The following SPAG16 variants were observed in gnomAD, a reference collection of about 807,000 sequenced individuals.
The protein encoded by SPAG16 is sperm associated antigen 16.
In SPAG16, 86 loss-of-function variants were observed where a neutral mutation model predicts 80.4. The ratio of observed to expected loss-of-function variants is 1.07; its 90% CI spans 0.90 to 1.28. SPAG16 has a LOEUF of 1.28. SPAG16 is among the 50% of genes most tolerant of loss of function. The pLI is 0.00. For synonymous variants in SPAG16, 294 were observed against 265.9 expected (o/e 1.11, Z -1.03); for missense variants, 870 against 765.3 (o/e 1.14, Z -1.61).
chr2:214,148,310 G>GT (rs1443703984), intron 14 of SPAG16, among the ~76,000 whole-genome samples: 2 of 152,108 alleles, frequency 1.3e-5, no homozygotes, highest in Non-Finnish European at 2.9e-5. Context: ...AGCAGGAGGC[G>GT]TGTAGACAGA....
chr2:213,608,781 G>A (rs183172366), intron 10 of SPAG16, among the ~76,000 whole-genome samples: 8 of 152,334 alleles, frequency 5.3e-5, no homozygotes, highest in East Asian at 3.9e-4. Context: ...CGCCTCCTGC[G>A]TTCACGCCAT....
At chr2:213,835,129 G>A (rs555265479) in intron 10 of SPAG16, among the ~76,000 whole-genome samples, 199 of 152,194 alleles carry the variant, frequency 1.3e-3, no homozygotes, top group African/African-American at 4.6e-3. Flanking sequence ...CAAGTCCAAA[G>A]AAATTTTATC....
chr2:214,372,359 C>A (rs1211765106), intron 15 of SPAG16, among the ~76,000 whole-genome samples: 1 of 152,116 alleles, frequency 6.6e-6, no homozygotes, highest in African/African-American at 2.4e-5. Flanking sequence ...AGAAACAAGT[C>A]TCTATCATTT....
chr2:214,288,927 C>T (rs1337475602), intron 15 of SPAG16, among the ~76,000 whole-genome samples: 2 of 152,102 alleles, frequency 1.3e-5, no homozygotes, highest in Non-Finnish European at 2.9e-5. Flanking sequence ...TGCCATCACG[C>T]CCGGCTAATA....
In SPAG16 at chr2:213,642,155, G is replaced by A. The variant is rs376022940; in HGVS notation, c.1070+152065G>A. ...TTTGGGGGCAGACTTTCCACCTCTC[G>A]CACTTTGGGAACGCACAATGTTTCA... On this transcript the variant is annotated intron_variant, in intron 10 of 15. Coordinates refer to ENST00000331683, the MANE Select transcript of SPAG16 (RefSeq NM_024532.5). Among the ~76,000 whole-genome samples, 8 of 152,278 alleles carry A rather than the reference G, an allele frequency of 5.3e-5. No homozygotes were observed. In the South Asian group the frequency reaches 1.7e-3, roughly 32 times the overall value.
chr2:213,970,743 A>G (rs539923660), intron 12 of SPAG16, among the ~76,000 whole-genome samples: 1 of 152,374 alleles, frequency 6.6e-6, no homozygotes, highest in East Asian at 1.9e-4. Context: ...ATGCATGAAC[A>G]TAAACAATTC....
intron 12 of SPAG16, among the ~76,000 whole-genome samples, chr2:214,013,161 T>A (rs2047401438): frequency 6.7e-6 from 1 of 148,170 alleles, no homozygotes; most frequent in South Asian, 2.2e-4. Context: ...GGCTTGAGAC[T>A]GGGTATGAGT....
At chr2:213,903,314 C>T (rs190646045) in intron 11 of SPAG16, among the ~76,000 whole-genome samples, 81 of 152,346 alleles carry the variant, frequency 5.3e-4, no homozygotes, top group African/African-American at 1.7e-3. Context: ...CAAACTTCTG[C>T]CTGGACATCC....
chr2:213,775,006 A>G (rs964699385), intron 10 of SPAG16, among the ~76,000 whole-genome samples: 3 of 151,976 alleles, frequency 2.0e-5, no homozygotes, highest in South Asian at 4.1e-4. Flanking sequence ...GCACTACTGT[A>G]TTGTTTCTAA....
chr2:214,231,536 C>G (rs997334401), intron 15 of SPAG16, among the ~76,000 whole-genome samples: 1 of 151,854 alleles, frequency 6.6e-6, no homozygotes, highest in African/African-American at 2.4e-5. Context: ...GGTATTTCTC[C>G]ATTTACAATT....
At chr2:213,474,960 A>G (rs1161485625) in intron 9 of SPAG16, among the ~76,000 whole-genome samples, 1 of 152,202 alleles carries the variant, frequency 6.6e-6, no homozygotes. Context: ...AGTATTAACC[A>G]TCACACATGT....
intron 15 of SPAG16, among the ~76,000 whole-genome samples, chr2:214,408,414 G>T (rs1220746716): frequency 6.6e-6 from 1 of 152,100 alleles, no homozygotes; most frequent in African/African-American, 2.4e-5. Context: ...GTAGAAAATG[G>T]TTTATAATAA....
chr2:214,174,339 T>C (rs1290072119), intron 15 of SPAG16, among the ~76,000 whole-genome samples: 2 of 151,978 alleles, frequency 1.3e-5, no homozygotes, highest in African/African-American at 4.8e-5. Context: ...CCCCATTGTC[T>C]CAGCCCAAAA....
chr2:214,166,431 A>G (rs529211715), intron 15 of SPAG16, among the ~76,000 whole-genome samples: 2 of 152,256 alleles, frequency 1.3e-5, no homozygotes, highest in South Asian at 4.1e-4. Flanking sequence ...GCTCGGGTGC[A>G]CTTGCACAGT....
At position 213,932,949 on chromosome 2, in the gene SPAG16, A is replaced by AACACACACACACACACAC. The variant is rs3076792; in HGVS notation, c.1400+2829_1400+2846dup. Among the ~76,000 whole-genome samples, 272 of 144,030 alleles carry AACACACACACACACACAC rather than the reference A, an allele frequency of 1.9e-3. 1 individual carries two copies. Among genetic ancestry groups the AACACACACACACACACAC allele is most frequent in the African/African-American group, 6.4e-3 (248 of 38,670 alleles). 94.5% of individuals were successfully genotyped at this position (144,030 alleles called of 152,430 possible). ...GTATTTCACTTAATGGTTGTTTGAA[A>AACACACACACACACACAC]ACACACACACACACACACACACACA... On this transcript the variant is annotated intron_variant, in intron 12 of 15. Coordinates refer to ENST00000331683, the MANE Select transcript of SPAG16 (RefSeq NM_024532.5).
chr2:213,831,500 A>C (rs909173249), intron 10 of SPAG16, among the ~76,000 whole-genome samples: 1 of 151,712 alleles, frequency 6.6e-6, no homozygotes, highest in Non-Finnish European at 1.5e-5. Context: ...CTAACATTCA[A>C]AGTTCTTCAT....
At chr2:213,616,754 T>C (rs1411589667) in intron 10 of SPAG16, among the ~76,000 whole-genome samples, 1 of 152,164 alleles carries the variant, frequency 6.6e-6, no homozygotes, top group Non-Finnish European at 1.5e-5. Flanking sequence ...ATTAGGACTT[T>C]GAGAATCTAG....
At chr2:214,065,687 G>A (rs574431794) in intron 13 of SPAG16, among the ~76,000 whole-genome samples, 1 of 152,022 alleles carries the variant, frequency 6.6e-6, no homozygotes, top group Non-Finnish European at 1.5e-5. Context: ...TACTTAACAG[G>A]GGAATATTTA....
At chr2:214,122,770 C>A (rs1048313294) in intron 14 of SPAG16, among the ~76,000 whole-genome samples, 11 of 151,704 alleles carry the variant, frequency 7.3e-5, no homozygotes, top group Admixed American at 4.6e-4. Flanking sequence ...ATTACTGCAC[C>A]AAGATGATGC....
Sources: allele counts gnomAD v4.1 joint callset (sites outside exome capture counted in the v4.1 genomes callset), GRCh38; gene constraint gnomAD v4.1.1; transcripts MANE v1.5; gene names NCBI Gene and HGNC (gene_info 2026-07-23, HGNC 2026-07-21).